The following AHCYL2 variants were observed in gnomAD, a reference collection of about 807,000 sequenced individuals.
AHCYL2 encodes the protein adenosylhomocysteinase like 2.
In AHCYL2, 28 loss-of-function variants were observed where a neutral mutation model predicts 81.4. The observed-to-expected ratio is 0.34, with a 90% CI of 0.25 to 0.47. The LOEUF (loss-of-function observed/expected upper bound fraction) is 0.47, where lower values mean the gene tolerates loss of function less well. AHCYL2 is among the 20% of genes least tolerant of loss of function. The pLI is 1.00. For missense variants in AHCYL2, 551 were observed against 785.1 expected, an observed-to-expected ratio of 0.70 and a Z score of 3.56; for synonymous variants, 272 against 290.2, an observed-to-expected ratio of 0.94 and a Z score of 0.64.
At chr7:129,314,354 TA>T (rs1201631968) in intron 1 of AHCYL2, among the ~76,000 whole-genome samples, 1 of 152,256 alleles carries the variant, frequency 6.6e-6, no homozygotes, top group Non-Finnish European at 1.5e-5. Context: ...CACCAGATTG[TA>T]AACTCATTGA....
At chr7:129,235,743 C>G (rs1298174292) in intron 1 of AHCYL2, among the ~76,000 whole-genome samples, 3 of 152,142 alleles carry the variant, frequency 2.0e-5, no homozygotes, top group African/African-American at 7.2e-5. Context: ...CATTGTTTTG[C>G]AGGTTCCTTT....
intron 11 of AHCYL2, 135 bp downstream of exon 11, chr7:129,409,681 C>A: frequency 1.5e-6 from 1 of 678,700 alleles, no homozygotes; most frequent in Non-Finnish European, 2.5e-6. Context: ...GCCAGCCAGT[C>A]TTTCACATTC....
chr7:129,377,283 T>C (rs991522344), intron 1 of AHCYL2, among the ~76,000 whole-genome samples: 1 of 152,216 alleles, frequency 6.6e-6, no homozygotes, highest in Non-Finnish European at 1.5e-5. Flanking sequence ...GGGCACTTTA[T>C]CTTTTTGGAA....
At chr7:129,244,559 C>G (rs1293007923) in intron 1 of AHCYL2, among the ~76,000 whole-genome samples, 1 of 152,152 alleles carries the variant, frequency 6.6e-6, no homozygotes, top group Non-Finnish European at 1.5e-5. Flanking sequence ...TCATAGATGA[C>G]AGTCTTTTTG....
At chr7:129,257,602 G>GTA (rs1795472026) in intron 1 of AHCYL2, among the ~76,000 whole-genome samples, 1 of 152,176 alleles carries the variant, frequency 6.6e-6, no homozygotes, top group Non-Finnish European at 1.5e-5. Context: ...TATGCATTAT[G>GTA]TATACCTTGT....
intron 1 of AHCYL2, among the ~76,000 whole-genome samples, chr7:129,371,301 T>G (rs959352971): frequency 1.3e-5 from 2 of 152,184 alleles, no homozygotes; most frequent in African/African-American, 4.8e-5. Flanking sequence ...TATTACAACA[T>G]CTCCCTTTTG....
intron 1 of AHCYL2, among the ~76,000 whole-genome samples, chr7:129,226,274 G>T (rs951058437): frequency 6.6e-6 from 1 of 152,206 alleles, no homozygotes; most frequent in Non-Finnish European, 1.5e-5. Flanking sequence ...AGAATACCAA[G>T]AAGTAACTGC....
intron 1 of AHCYL2, among the ~76,000 whole-genome samples, chr7:129,244,220 T>C (rs1466647828): frequency 4.0e-5 from 6 of 151,408 alleles, no homozygotes; most frequent in Non-Finnish European, 4.4e-5. Flanking sequence ...CCCAGGATGG[T>C]GTTGAATTCC....
At chr7:129,375,810 A>C in intron 1 of AHCYL2, 8 of 1,533,254 alleles carry the variant, frequency 5.2e-6, no homozygotes, top group Non-Finnish European at 7.0e-6. Flanking sequence ...GGAAAGTTTA[A>C]AGGCCTGATC....
intron 1 of AHCYL2, among the ~76,000 whole-genome samples, chr7:129,261,363 G>C (rs1292392911): frequency 6.6e-6 from 1 of 152,116 alleles, no homozygotes; most frequent in South Asian, 2.1e-4. Context: ...GAGTTCTGTG[G>C]CAACTGTTAG....
chr7:129,389,517 C>A (rs1584868405), intron 3 of AHCYL2, 117 bp from the exon 4 acceptor site: 2 of 863,746 alleles, frequency 2.3e-6, no homozygotes, highest in East Asian at 5.3e-5. Context: ...CCTGGAGAAA[C>A]CTAATCTAAC....
At position 129,306,417 on chromosome 7, in the gene AHCYL2, C is replaced by G. The variant is rs956331923; in HGVS notation, c.364-73221C>G. 5.3e-5 allele frequency among the ~76,000 whole-genome samples: 8 copies of G among 152,200 alleles called. No individual in the cohort carries two copies. In the South Asian group the frequency reaches 8.3e-4, roughly 16 times the overall value. Reference sequence around the variant, plus strand: ...GTGTGTCAATTGTATTTTTCCACTACAGAATTTCTGCTTTATTCTTTTTTT... The same window carrying G: ...GTGTGTCAATTGTATTTTTCCACTAGAGAATTTCTGCTTTATTCTTTTTTT... On this transcript the variant is annotated intron_variant, in intron 1 of 16. Transcript: ENST00000325006.
At chr7:129,340,769 A>G (rs550410453) in intron 1 of AHCYL2, among the ~76,000 whole-genome samples, 46 of 152,160 alleles carry the variant, frequency 3.0e-4, no homozygotes, top group Non-Finnish European at 5.6e-4. Flanking sequence ...ATCTATTGAG[A>G]TCATATGATA....
chr7:129,328,528 A>G (rs755846837), intron 1 of AHCYL2, among the ~76,000 whole-genome samples: 1 of 150,760 alleles, frequency 6.6e-6, no homozygotes, highest in African/African-American at 2.4e-5. Flanking sequence ...TCTGTTGCCC[A>G]GACTGGTGTG....
Position 129,225,122 on chromosome 7 carries a change from G to C in AHCYL2, c.46G>C (p.Glu16Gln). ...AGCCGCGGCTGCCGCCAAGGTGCCT[G>C]AGGTGGAGCTGAAGGACCTGAGCCC... ...VSAAAAAKVP[E>Q]VELKDLSPSE... Residue 16 changes from glutamate (E) to glutamine (Q), a missense_variant, in exon 1 of 17, where the codon GAG (glutamate) becomes CAG (glutamine). Glu to Gln is a conservative substitution (Grantham distance 29, BLOSUM62 2). Around this residue, in one of 2 missense-constraint regions of AHCYL2, gnomAD observed 235 missense variants for 242.1 expected, o/e 0.97. Transcript: ENST00000325006. 1.2e-6 allele frequency: 2 copies of C among 1,602,704 alleles called. No homozygotes were observed. The highest frequency in any genetic ancestry group is 1.1e-5 in the South Asian group (1 of 89,186).
chr7:129,398,834 T>C (rs1370039156), intron 5 of AHCYL2, among the ~76,000 whole-genome samples: 1 of 152,040 alleles, frequency 6.6e-6, no homozygotes, highest in Non-Finnish European at 1.5e-5. Flanking sequence ...ATAAATGCCA[T>C]GACAGATTAT....
chr7:129,294,202 G>A (rs2718091), intron 1 of AHCYL2, among the ~76,000 whole-genome samples: 9,402 of 152,184 alleles, frequency 0.062, 934 homozygotes, highest in African/African-American at 0.21. Context: ...GGACACATTT[G>A]CCTTTTCCTA....
intron 1 of AHCYL2, among the ~76,000 whole-genome samples, chr7:129,299,903 A>G (rs1350217818): frequency 6.6e-6 from 1 of 152,244 alleles, no homozygotes; most frequent in Non-Finnish European, 1.5e-5. Flanking sequence ...AAACACTGAA[A>G]TAATTTTTTA....
chr7:129,265,468 T>C (rs1795785332), intron 1 of AHCYL2, among the ~76,000 whole-genome samples: 3 of 152,042 alleles, frequency 2.0e-5, no homozygotes, highest in Admixed American at 2.0e-4. Flanking sequence ...TGCTTTATTA[T>C]AAGAGAGTGA....
Sources: allele counts gnomAD v4.1 joint callset (sites outside exome capture counted in the v4.1 genomes callset), GRCh38; gene constraint gnomAD v4.1.1; regional missense constraint gnomAD v4.1.1; transcripts MANE v1.5; gene names NCBI Gene and HGNC (gene_info 2026-07-23, HGNC 2026-07-21).